WRAP53: variants seen among roughly 807,000 people sequenced by gnomAD.
The protein encoded by WRAP53 is telomerase Cajal body protein 1.
In WRAP53, 28 loss-of-function variants were observed where a neutral mutation model predicts 56.6. The ratio of observed to expected loss-of-function variants is 0.50; its 90% CI spans 0.37 to 0.68. The LOEUF is 0.68. Ranked by LOEUF, WRAP53 falls within the 30% of genes least tolerant of loss-of-function variation. WRAP53 has a pLI of 0.00. For missense variants in WRAP53, 671 were observed against 715.5 expected (o/e 0.94, Z 0.71); for synonymous variants, 283 against 283.4 (o/e 1.00, Z 0.01).
At chr17:7,699,922 AGT>A (rs2074252021) in intron 4 of WRAP53, among the ~76,000 whole-genome samples, 1 of 151,314 alleles carries the variant, frequency 6.6e-6, no homozygotes, top group African/African-American at 2.4e-5. Context: ...TTGTAGAGAC[AGT>A]GTTTCACCAT....
chr17:7,695,865 G>A (rs2151090958), intron 4 of WRAP53, among the ~76,000 whole-genome samples: 1 of 152,060 alleles, frequency 6.6e-6, no homozygotes, highest in Non-Finnish European at 1.5e-5. Context: ...TTAATTCAAG[G>A]TCCTATTATT....
At chr17:7,699,773 G>C (rs1489846686) in intron 4 of WRAP53, among the ~76,000 whole-genome samples, 1 of 150,808 alleles carries the variant, frequency 6.6e-6, no homozygotes, top group African/African-American at 2.4e-5. Context: ...TGTTTCTGTT[G>C]CCCAGGCTGG....
At chr17:7,687,335 C>T (rs1376563256), upstream of WRAP53, 6 of 398,400 alleles carry the variant, frequency 1.5e-5, 1 homozygote, top group South Asian at 3.8e-4. Flanking sequence ...GCCGAGAGCC[C>T]GTGACTCAGA....
chr17:7,703,459 G>A lies in WRAP53; in HGVS notation c.1620G>A (p.Thr540=), dbSNP rs747334430. 4.2e-5 allele frequency: 68 copies of A among 1,613,836 alleles called. No individual in the cohort carries two copies. Among genetic ancestry groups the A allele is most frequent in the Non-Finnish European group, 5.7e-5 (67 of 1,179,982 alleles). The change falls in exon 11 of 11, where the codon ACG becomes ACA. Residue 540 remains threonine, a synonymous_variant. Transcript: ENST00000396463. ...AGGGCGAGAAAGGGCAGGGAGGAAC[G>A]GAGGGAGGTGTGGGTGAGCTGATAT... The part of the protein sequence containing the change: ...DHQGEKGQGG[T]EGGVGELI
chr17:7,701,482 A>G lies in WRAP53; in HGVS notation c.755A>G (p.Asn252Ser), dbSNP rs1213076873. 22 of 1,613,978 alleles carry G rather than the reference A, an allele frequency of 1.4e-5. No individual in the cohort carries two copies. Among genetic ancestry groups the G allele is most frequent in the Non-Finnish European group, 1.6e-5 (19 of 1,180,028 alleles). The change falls in exon 6 of 11, where the codon AAC (asparagine) becomes AGC (serine). Residue 252 changes from asparagine to serine, a missense_variant. By Grantham distance (46) the Asn-to-Ser change is conservative. Around this residue, in one of 3 missense-constraint regions of WRAP53, gnomAD observed 406 missense variants for 418.5 expected, o/e 0.97. Transcript: ENST00000396463. This position sits in a 1 kb window ranked among gnomAD's most constrained non-coding sequence, Gnocchi z 4.2. ...TSYVASSSRE[N>S]PIHIWDAFTG... ...AGCGTGGCCAGCAGCAGCCGGGAGA[A>G]CCCGATTCATATCTGGGACGCATTC...
Position 7,701,726 on chromosome 17 carries a change from C to G in WRAP53, c.892C>G (p.Arg298Gly), listed in dbSNP as rs1055897133. The change falls in exon 7 of 11, where the codon CGG becomes GGG. Residue 298 changes from arginine to glycine, a missense_variant. Physicochemically the swap from Arg to Gly is moderately radical, Grantham distance 125. Around this residue, in one of 3 missense-constraint regions of WRAP53, gnomAD observed 406 missense variants for 418.5 expected, o/e 0.97. Coordinates refer to ENST00000396463, the MANE Select transcript of WRAP53 (RefSeq NM_001143992.2). The surrounding 1 kb of genome is among the most constrained non-coding windows in gnomAD (Gnocchi z 4.2). ...CTCCCAGCTCTTCTGTGGCTTCAAC[C>G]GGACTGTGCGTGTTTTTTCCACGGC... ...DGSQLFCGFN[R>G]TVRVFSTARP... 3 of 1,614,242 alleles carry G rather than the reference C, an allele frequency of 1.9e-6. No individual in the cohort carries two copies. The East Asian group carries it at 6.7e-5, about 36-fold the overall frequency.
Position 7,698,966 on chromosome 17 carries a change from G to A in WRAP53, c.643-1775G>A, listed in dbSNP as rs998647855. Among the ~76,000 whole-genome samples the A allele has an allele frequency of 4.0e-5, 6 of 151,780 alleles. No individual in the cohort carries two copies. The East Asian group carries it at 1.2e-3, about 29-fold the overall frequency. The stretch of plus-strand genomic sequence containing the variant: ...AGTTACTAGGGAGGCTGAGGCCAGG[G>A]GATTGTTTGCTTGAGCCCAGGAGTT... On this transcript the variant is annotated intron_variant, in intron 4 of 10. Transcript: ENST00000396463.
intron 4 of WRAP53, among the ~76,000 whole-genome samples, chr17:7,699,478 A>ATT (rs1567577398): frequency 9.6e-4 from 7 of 7,272 alleles, no homozygotes; most frequent in South Asian, 4.5e-3. Flanking sequence ...ATATATATTT[A>ATT]TATATATATA....
intron 4 of WRAP53, among the ~76,000 whole-genome samples, chr17:7,693,599 A>C (rs1430183192): frequency 6.6e-6 from 1 of 152,030 alleles, no homozygotes; most frequent in Non-Finnish European, 1.5e-5. Flanking sequence ...GGCGCCTGTA[A>C]TCCCAGCTAC....
intron 4 of WRAP53, among the ~76,000 whole-genome samples, chr17:7,690,142 T>A (rs991215957): frequency 6.6e-5 from 10 of 152,202 alleles, no homozygotes; most frequent in African/African-American, 2.4e-4. Context: ...AGAGACGGGG[T>A]TTCGCCATGT....
chr17:7,696,870 G>A (rs2074193267), intron 4 of WRAP53, among the ~76,000 whole-genome samples: 1 of 152,198 alleles, frequency 6.6e-6, no homozygotes. Flanking sequence ...TGAGGAACCT[G>A]TGGGATGATC....
chr17:7,691,623 C>T (rs540911911), intron 4 of WRAP53, among the ~76,000 whole-genome samples: 3 of 152,002 alleles, frequency 2.0e-5, no homozygotes, highest in East Asian at 3.9e-4. Flanking sequence ...GTACTCCTGA[C>T]ATTTGATCCG....
chr17:7,697,928 T>G (rs1597415241), intron 4 of WRAP53, among the ~76,000 whole-genome samples: 2 of 151,338 alleles, frequency 1.3e-5, no homozygotes, highest in African/African-American at 4.9e-5. Flanking sequence ...AGTGCAGTGG[T>G]GCGAACATGG....
At chr17:7,693,794 A>T (rs2074145588) in intron 4 of WRAP53, among the ~76,000 whole-genome samples, 1 of 152,244 alleles carries the variant, frequency 6.6e-6, no homozygotes, top group Non-Finnish European at 1.5e-5. Context: ...AAACACTAGT[A>T]GTCACTGGTA....
chr17:7,693,184 C>CTT (rs60578072), intron 4 of WRAP53, among the ~76,000 whole-genome samples: 2 of 147,382 alleles, frequency 1.4e-5, no homozygotes, highest in African/African-American at 2.6e-5. Flanking sequence ...TCTTTTTTTT[C>CTT]TTTTTTTTGA....
Position 7,701,746 on chromosome 17 carries a change from C to T in WRAP53, c.912C>T (p.Ser304=), listed in dbSNP as rs2151096482. The T allele has an allele frequency of 6.2e-7, 1 of 1,614,208 alleles. No homozygotes were observed. Among genetic ancestry groups the T allele is most frequent in the Non-Finnish European group, 8.5e-7 (1 of 1,180,044 alleles). The change falls in exon 7 of 11, where the codon TCC becomes TCT. Residue 304 remains serine, a synonymous_variant. Transcript: ENST00000396463. The surrounding 1 kb of genome is among the most constrained non-coding windows in gnomAD (Gnocchi z 4.2). Reference sequence around the variant, plus strand: ...TCAACCGGACTGTGCGTGTTTTTTCCACGGCCCGGCCTGGCCGAGACTGCG... The same window carrying T: ...TCAACCGGACTGTGCGTGTTTTTTCTACGGCCCGGCCTGGCCGAGACTGCG... ...CGFNRTVRVF[S]TARPGRDCEV... is the part of the protein sequence containing the mutation.
chr17:7,698,231 C>T (rs1487261927), intron 4 of WRAP53, among the ~76,000 whole-genome samples: 1 of 151,982 alleles, frequency 6.6e-6, no homozygotes, highest in Non-Finnish European at 1.5e-5. Context: ...GTAGAGAAAC[C>T]CTTCTACATG....
At chr17:7,697,918 A>C (rs1204716660) in intron 4 of WRAP53, among the ~76,000 whole-genome samples, 1 of 149,654 alleles carries the variant, frequency 6.7e-6, no homozygotes, top group Non-Finnish European at 1.5e-5. Flanking sequence ...CCCAGGCTGG[A>C]GTGCAGTGGT....
chr17:7,686,767 T>C (rs2073994215), upstream of WRAP53: 1 of 152,302 alleles, frequency 6.6e-6, no homozygotes, highest in South Asian at 2.1e-4. Flanking sequence ...GGCAAACCCC[T>C]GGTTTAGCAC....
Sources: gnomAD v4.1 joint callset for allele counts (sites outside exome capture counted in the v4.1 genomes callset) on GRCh38, gnomAD v4.1.1 for gene constraint, gnomAD v4.1.1 regional missense constraint, Gnocchi (gnomAD v3.1) non-coding constraint, MANE v1.5 for transcripts, NCBI Gene and HGNC (gene_info 2026-07-23, HGNC 2026-07-21) for gene names.